Variants in GPR176 observed in about 807,000 individuals in gnomAD.
The protein encoded by GPR176 is G-protein coupled receptor 176.
Under a neutral mutation model 35.4 loss-of-function variants are expected in GPR176, and 26 were observed. The ratio of observed to expected loss-of-function variants is 0.74; its 90% CI spans 0.54 to 1.02. GPR176 has a LOEUF of 1.02. GPR176 is among the 50% of genes least tolerant of loss of function. GPR176 has a pLI of 0.00. For synonymous variants in GPR176, 278 were observed against 271.3 expected, an observed-to-expected ratio of 1.02 and a Z score of -0.24; for missense variants, 597 against 665.3, an observed-to-expected ratio of 0.90 and a Z score of 1.13.
At chr15:39,881,208 T>G (rs1340001420) in intron 1 of GPR176, among the ~76,000 whole-genome samples, 1 of 152,230 alleles carries the variant, frequency 6.6e-6, no homozygotes, top group African/African-American at 2.4e-5. Flanking sequence ...TTAGTTCATA[T>G]TTCTGTCTTC....
chr15:39,909,837 T>G, intron 1 of GPR176: 1 of 825,574 alleles, frequency 1.2e-6, no homozygotes, highest in Non-Finnish European at 1.5e-6. Context: ...ATAATAACTG[T>G]AAATTTGGTA....
Position 39,830,719 on chromosome 15 carries a change from G to A in GPR176, c.173-23461C>T, listed in dbSNP as rs80273260. 4.9e-3 allele frequency among the ~76,000 whole-genome samples: 745 copies of A among 152,328 alleles called. 4 individuals carry two copies. The highest frequency in any genetic ancestry group is 6.7e-3 in the Admixed American group (103 of 15,292). On this transcript the variant is annotated intron_variant, in intron 1 of 2. Transcript: ENST00000561100. ...GCAAAAATGTTCACAAATGACATGA[G>A]ATTTCAACTTTAATGCTCTATTTTC...
intron 1 of GPR176, among the ~76,000 whole-genome samples, chr15:39,826,988 G>A (rs753630463): frequency 1.5e-4 from 23 of 152,144 alleles, no homozygotes; most frequent in African/African-American, 5.3e-4. Context: ...GAAGAATGAC[G>A]AGGTTCATAC....
intron 1 of GPR176, among the ~76,000 whole-genome samples, chr15:39,832,026 A>ACC (rs1901119444): frequency 6.8e-6 from 1 of 146,264 alleles, no homozygotes; most frequent in African/African-American, 2.5e-5. Flanking sequence ...ACACACACAC[A>ACC]CCATGTTCCA....
At chr15:39,886,690 C>T (rs1006068937) in intron 1 of GPR176, among the ~76,000 whole-genome samples, 6 of 152,246 alleles carry the variant, frequency 3.9e-5, no homozygotes, top group Admixed American at 6.5e-5. Context: ...GCAAATGTTC[C>T]GGTTCCATAA....
At chr15:39,904,932 A>G (rs747089609) in intron 1 of GPR176, among the ~76,000 whole-genome samples, 4 of 152,206 alleles carry the variant, frequency 2.6e-5, no homozygotes, top group Non-Finnish European at 4.4e-5. Flanking sequence ...ACCATCAAGG[A>G]AACAGGCAAC....
At chr15:39,919,814 T>G in intron 1 of GPR176, 41 bp downstream of exon 1, 1 of 1,358,688 alleles carries the variant, frequency 7.4e-7, no homozygotes, top group South Asian at 1.8e-5. Flanking sequence ...GCCTGTACCC[T>G]CGGGGAGGCC....
chr15:39,861,582 T>A (rs1272953352), intron 1 of GPR176, among the ~76,000 whole-genome samples: 2 of 152,088 alleles, frequency 1.3e-5, no homozygotes, highest in Admixed American at 6.5e-5. Flanking sequence ...AGTGTTGATG[T>A]GTCTAAGAAA....
chr15:39,881,356 T>C (rs1021426415), intron 1 of GPR176, among the ~76,000 whole-genome samples: 1 of 152,240 alleles, frequency 6.6e-6, no homozygotes, highest in Non-Finnish European at 1.5e-5. Flanking sequence ...ATTTAGAAAC[T>C]TCCTATTAAA....
intron 1 of GPR176, among the ~76,000 whole-genome samples, chr15:39,809,395 T>C (rs542469617): frequency 1.1e-4 from 17 of 152,268 alleles, no homozygotes; most frequent in Non-Finnish European, 2.4e-4. Flanking sequence ...TGTGTGTGTG[T>C]GCGTGTGCAT....
Position 39,799,575 on chromosome 15 carries a change from G to A in GPR176, c.*1557C>T, listed in dbSNP as rs866836260. The A allele has an allele frequency of 2.6e-5, 4 of 152,254 alleles. No individual in the cohort carries two copies. 9.4% of individuals were successfully genotyped at this position (152,254 alleles called of 1,614,324 possible). A position where few individuals can be genotyped will look rare whatever the true frequency, so the allele number is the denominator to read the frequency against. On this transcript the variant is annotated 3_prime_UTR_variant, in exon 3 of 3. Transcript: ENST00000561100. ...AGGGTCTGGGCTCCCTCCAAGAGAC[G>A]GGGCCAGTGTGGCCAAAAGAGGGCA...
chr15:39,902,555 C>T (rs2033310395), intron 1 of GPR176, among the ~76,000 whole-genome samples: 1 of 152,150 alleles, frequency 6.6e-6, no homozygotes, highest in Non-Finnish European at 1.5e-5. Context: ...GAGCAGGCCA[C>T]AGAAACAACA....
At chr15:39,817,155 GC>G (rs1370888079) in intron 1 of GPR176, among the ~76,000 whole-genome samples, 3 of 151,000 alleles carry the variant, frequency 2.0e-5, no homozygotes, top group African/African-American at 7.3e-5. Context: ...GTGCATTTAG[GC>G]TCACAGGATG....
chr15:39,801,313 C>T lies in GPR176; in HGVS notation c.1367G>A (p.Gly456Glu). The change falls in exon 3 of 3, where the codon GGG becomes GAG. Residue 456 changes from glycine (G) to glutamate (E), a missense_variant. Physicochemically the swap from Gly to Glu is moderately conservative, Grantham distance 98 (BLOSUM62 -2). Transcript: ENST00000561100. Reference protein sequence around the residue: ...PDKYSLQFGFGPFELPPQWLS... With the variant: ...PDKYSLQFGFEPFELPPQWLS... ...CCACTGAGGAGGCAACTCAAAAGGCCCAAAGCCAAACTGCAGGGAATACTT... is the reference window on the plus strand; with the variant it reads ...CCACTGAGGAGGCAACTCAAAAGGCTCAAAGCCAAACTGCAGGGAATACTT... The T allele has an allele frequency of 6.2e-7, 1 of 1,614,170 alleles. No individual in the cohort carries two copies. The highest frequency in any genetic ancestry group is 8.5e-7 in the Non-Finnish European group (1 of 1,180,010).
chr15:39,860,264 G>A (rs534893359), intron 1 of GPR176, among the ~76,000 whole-genome samples: 2 of 152,360 alleles, frequency 1.3e-5, no homozygotes, highest in Admixed American at 1.3e-4. Flanking sequence ...AAAGGCCGGG[G>A]TTCAGGCTGA....
chr15:39,801,714 A>T lies in GPR176; in HGVS notation c.966T>A (p.Thr322=). 1 of 1,613,292 alleles carries T rather than the reference A, an allele frequency of 6.2e-7. No individual in the cohort carries two copies. The highest frequency in any genetic ancestry group is 8.5e-7 in the Non-Finnish European group (1 of 1,179,310). Residue 322 remains threonine, a synonymous_variant, in exon 3 of 3, where the codon ACT becomes ACA. Coordinates refer to ENST00000561100, the MANE Select transcript of GPR176 (RefSeq NM_007223.3). ...SLLANPVLFL[T]VNKSVRKCLI... Reference sequence around the variant, plus strand: ...AGCACTTGCGGACAGATTTGTTCACAGTAAGAAAGAGAACAGGGTTTGCCA... The same window carrying T: ...AGCACTTGCGGACAGATTTGTTCACTGTAAGAAAGAGAACAGGGTTTGCCA...
At chr15:39,816,663 T>C (rs1248522341) in intron 1 of GPR176, among the ~76,000 whole-genome samples, 2 of 152,240 alleles carry the variant, frequency 1.3e-5, no homozygotes, top group Non-Finnish European at 2.9e-5. Context: ...GATTATTTCA[T>C]CATTATGGAA....
At position 39,823,370 on chromosome 15, in the gene GPR176, T is replaced by C. The variant is rs74656104; in HGVS notation, c.173-16112A>G. Among the ~76,000 whole-genome samples, 299 of 152,228 alleles carry C rather than the reference T, an allele frequency of 2.0e-3. 9 individuals carry two copies. The East Asian group carries it at 0.052, about 26-fold the overall frequency. ...TCTTCCTCCTCCAATATTATCCATCTCAGAAAATGATACCTCCATCCCCCT... is the reference window on the plus strand; with the variant it reads ...TCTTCCTCCTCCAATATTATCCATCCCAGAAAATGATACCTCCATCCCCCT... On this transcript the variant is annotated intron_variant, in intron 1 of 2. Transcript: ENST00000561100.
chr15:39,914,952 G>C (rs1160429003), intron 1 of GPR176, among the ~76,000 whole-genome samples: 1 of 152,172 alleles, frequency 6.6e-6, no homozygotes, highest in Middle Eastern at 3.2e-3. Context: ...GCAAGCATGA[G>C]CAAAACTAGT....
Sources: gnomAD v4.1 joint callset for allele counts (sites outside exome capture counted in the v4.1 genomes callset) on GRCh38, gnomAD v4.1.1 for gene constraint, MANE v1.5 for transcripts, NCBI Gene and HGNC (gene_info 2026-07-23, HGNC 2026-07-21) for gene names.